Variants in WDPCP observed in about 807,000 individuals in gnomAD.
The protein encoded by WDPCP is WD repeat containing planar cell polarity effector, also known as WD repeat-containing and planar cell polarity effector protein fritz homolog.
Under a neutral mutation model 93.1 loss-of-function variants are expected in WDPCP, and 71 were observed. That is an observed-to-expected ratio of 0.76 (90% CI 0.63 to 0.93). The LOEUF (loss-of-function observed/expected upper bound fraction) is 0.93. Among genes scored for constraint, WDPCP ranks in the 40% least tolerant of loss-of-function variants. The pLI is 0.00. For synonymous variants in WDPCP, 315 were observed against 315.0 expected (o/e 1.00, Z 0.00); for missense variants, 844 against 887.4 (o/e 0.95, Z 0.62).
chr2:63,511,651 G>A (rs1702240686), intron 1 of WDPCP, among the ~76,000 whole-genome samples: 1 of 152,276 alleles, frequency 6.6e-6, no homozygotes, highest in South Asian at 2.1e-4. Context: ...ATGGGGAAAG[G>A]ATTCCCTATT....
intron 9 of WDPCP, among the ~76,000 whole-genome samples, chr2:63,411,474 C>A (rs574546629): frequency 2.0e-5 from 3 of 151,902 alleles, no homozygotes; most frequent in African/African-American, 7.3e-5. Context: ...CAAGGAATTA[C>A]AGAAACAAGA....
intron 3 of WDPCP, chr2:63,622,367 C>T: frequency 2.5e-6 from 4 of 1,603,802 alleles, no homozygotes; most frequent in Non-Finnish European, 3.4e-6. Flanking sequence ...TAGTCTTGGT[C>T]ACGTTGCTTT....
chr2:63,459,000 T>C (rs1003236896), intron 6 of WDPCP, among the ~76,000 whole-genome samples: 2 of 152,126 alleles, frequency 1.3e-5, no homozygotes, highest in African/African-American at 4.8e-5. Context: ...CTTCAATAAA[T>C]GATAACCACT....
rs191446609 is a variant in WDPCP at position 63,402,928 on chromosome 2, G to A, written c.1435+1120C>T. On this transcript the variant is annotated intron_variant, in intron 10 of 17. Transcript: ENST00000272321. ...TTTGACCTAGGAATCCCATTATTGGGTATATATCCAGAGGAATATAAATCA... is the reference window on the plus strand; with the variant it reads ...TTTGACCTAGGAATCCCATTATTGGATATATATCCAGAGGAATATAAATCA... 2.0e-5 allele frequency among the ~76,000 whole-genome samples: 3 copies of A among 152,240 alleles called. No homozygotes were observed. The East Asian group carries it at 5.8e-4, about 29-fold the overall frequency.
intron 12 of WDPCP, among the ~76,000 whole-genome samples, chr2:63,375,715 T>C (rs1691801993): frequency 2.6e-5 from 4 of 152,010 alleles, no homozygotes. Flanking sequence ...AAAACATTTA[T>C]TTTAATAATC....
chr2:63,583,011 G>A (rs909048046), intron 1 of WDPCP, among the ~76,000 whole-genome samples: 7 of 152,072 alleles, frequency 4.6e-5, no homozygotes, highest in East Asian at 1.9e-4. Flanking sequence ...CCATATTGAT[G>A]AATATTTAAG....
chr2:63,420,447 T>C (rs916697435), intron 9 of WDPCP, among the ~76,000 whole-genome samples: 1 of 146,718 alleles, frequency 6.8e-6, no homozygotes, highest in Non-Finnish European at 1.5e-5. Context: ...GGCAGCAAAA[T>C]CACTTGAACC....
rs549250693 is a variant in WDPCP at position 63,369,365 on chromosome 2, T to G, written c.1748+9021A>C. On this transcript the variant is annotated intron_variant, in intron 12 of 17. Transcript: ENST00000272321. ...CATCAGCAGGGGACAGTCTGGAGTT[T>G]GAGGTCAACAACTGTCTTGATCAGG... 33 of 455,998 alleles carry G rather than the reference T, an allele frequency of 7.2e-5. 1 individual carries two copies. Among genetic ancestry groups the G allele is most frequent in the South Asian group, 4.8e-4 (31 of 64,496 alleles). 28.2% of individuals were successfully genotyped at this position (455,998 alleles called of 1,614,324 possible).
rs1415564153 is a variant in WDPCP, at chr2:63,405,581, G to GTGTGTGTGTC, written c.826-925_826-924insGACACACACA. On this transcript the variant is annotated intron_variant, in intron 9 of 17. Coordinates refer to ENST00000272321, the MANE Select transcript of WDPCP (RefSeq NM_015910.7). ...TGTGTGTGTGTGTGTGTGTGTGTGT[G>GTGTGTGTGTC]TGTGTTGGCGGGGGTGGTCCTGGAA... is the stretch of plus-strand genomic sequence containing the variant. Among the ~76,000 whole-genome samples the GTGTGTGTGTC allele has an allele frequency of 1.2e-3, 164 of 136,372 alleles. 1 individual carries two copies. Among genetic ancestry groups the GTGTGTGTGTC allele is most frequent in the African/African-American group, 4.2e-3 (155 of 37,266 alleles). The allele number at this position is 136,372 out of a possible 152,430, so 89.5% of individuals were successfully genotyped here.
intron 14 of WDPCP, among the ~76,000 whole-genome samples, chr2:63,253,255 A>T (rs1019044644): frequency 1.1e-4 from 17 of 152,190 alleles, no homozygotes; most frequent in African/African-American, 4.1e-4. Context: ...AAATAATTAA[A>T]TGTATGACCT....
chr2:63,599,371 G>C, intron 3 of WDPCP: 13 of 1,443,026 alleles, frequency 9.0e-6, no homozygotes, highest in Non-Finnish European at 1.2e-5. Context: ...AACTGAATCT[G>C]AGTTTGTGCT....
intron 14 of WDPCP, among the ~76,000 whole-genome samples, chr2:63,181,619 G>T (rs558317506): frequency 8.5e-5 from 13 of 152,148 alleles, no homozygotes; most frequent in Non-Finnish European, 1.9e-4. Context: ...TTTGAAGTCA[G>T]GTAATGTGAT....
intron 3 of WDPCP, chr2:63,599,674 T>G (rs985422959): frequency 1.3e-5 from 2 of 152,682 alleles, no homozygotes; most frequent in African/African-American, 4.8e-5. Flanking sequence ...TTTGTGTGAT[T>G]GTGTGGTTCT....
chr2:63,569,861 G>A (rs1256016406), intron 1 of WDPCP, among the ~76,000 whole-genome samples: 1 of 152,102 alleles, frequency 6.6e-6, no homozygotes, highest in African/African-American at 2.4e-5. Context: ...ATATAGCATT[G>A]AAAGTACCCC....
At chr2:63,644,266 A>G (rs1575737380) in intron 3 of WDPCP, among the ~76,000 whole-genome samples, 2 of 114,674 alleles carry the variant, frequency 1.7e-5, no homozygotes, top group Non-Finnish European at 3.4e-5. Flanking sequence ...TTTTTTTGAG[A>G]CAGAGTCTTG....
At chr2:63,529,218 C>A (rs1703614893) in intron 1 of WDPCP, among the ~76,000 whole-genome samples, 1 of 152,140 alleles carries the variant, frequency 6.6e-6, no homozygotes. Context: ...CCTTCTCCTG[C>A]CTGATTGCCC....
chr2:63,181,946 T>A (rs13013530), intron 14 of WDPCP, among the ~76,000 whole-genome samples: 2 of 152,000 alleles, frequency 1.3e-5, no homozygotes, highest in Non-Finnish European at 2.9e-5. Flanking sequence ...GTAGCTATTG[T>A]AGTTCTTGAT....
At chr2:63,704,692 C>T (rs562830396) in intron 2 of WDPCP, among the ~76,000 whole-genome samples, 17 of 152,248 alleles carry the variant, frequency 1.1e-4, no homozygotes, top group East Asian at 5.8e-4. Context: ...TTGCTGGATT[C>T]GGCTTGCCAG....
At chr2:63,249,401 G>A (rs183593452) in intron 14 of WDPCP, among the ~76,000 whole-genome samples, 3 of 152,224 alleles carry the variant, frequency 2.0e-5, no homozygotes, top group African/African-American at 4.8e-5. Flanking sequence ...ACATGATGAC[G>A]GATGTTTGAC....
Sources: gnomAD v4.1 joint callset for allele counts (sites outside exome capture counted in the v4.1 genomes callset) on GRCh38, gnomAD v4.1.1 for gene constraint, MANE v1.5 for transcripts, NCBI Gene and HGNC (gene_info 2026-07-23, HGNC 2026-07-21) for gene names.